Variants in ATRX observed in about 807,000 individuals in gnomAD.
The protein encoded by ATRX is chromatin remodeler ATRX.
In ATRX, 12 loss-of-function variants were observed where a neutral mutation model predicts 172.6. The observed-to-expected ratio is 0.07, with a 90% confidence interval of 0.04 to 0.11. The LOEUF (loss-of-function observed/expected upper bound fraction) is 0.11, where lower values mean the gene tolerates loss of function less well. ATRX is among the 10% of genes least tolerant of loss of function. ATRX has a pLI of 1.00. For synonymous variants in ATRX, 674 were observed against 594.7 expected, an observed-to-expected ratio of 1.13 and a Z score of -1.94; for missense variants, 1,368 against 1,767.4, an observed-to-expected ratio of 0.77 and a Z score of 4.05.
At chrX:77,540,665 C>T (rs988738077) in intron 30 of ATRX, among the ~76,000 whole-genome samples, 5 of 112,081 alleles carry the variant, frequency 4.5e-5, no homozygotes, top group Non-Finnish European at 5.6e-5. Flanking sequence ...AAGAAACTCA[C>T]TCAAAACTGC....
At position 77,508,199 on chromosome X, in the gene ATRX, T is replaced by C; in HGVS notation, c.*152A>G. 1.5e-6 allele frequency: 1 copy of C among 658,228 alleles called. No individual in the cohort carries two copies. Among genetic ancestry groups the C allele is most frequent in the Non-Finnish European group, 2.2e-6 (1 of 451,535 alleles). The allele number at this position is 658,228 out of a possible 1,213,427, so 54.2% of individuals were successfully genotyped here. On this transcript the variant is annotated 3_prime_UTR_variant, in exon 35 of 35. Transcript: ENST00000373344. ...TGTCAGGAAGAAATGGTATGCCCTA[T>C]TTAAAAAAAAAAAAAGTAAAACTAA...
intron 19 of ATRX, among the ~76,000 whole-genome samples, chrX:77,622,531 G>A: frequency 9.0e-6 from 1 of 111,527 alleles, no homozygotes; most frequent in African/African-American, 3.3e-5. Flanking sequence ...GATCCATCAG[G>A]AGGATGGCCA....
intron 34 of ATRX, among the ~76,000 whole-genome samples, chrX:77,518,406 T>TAG (rs1336401661): frequency 1.8e-5 from 2 of 111,912 alleles, no homozygotes; most frequent in African/African-American, 6.5e-5. Context: ...CCATTTACAG[T>TAG]AGCCACAGTC....
intron 19 of ATRX, among the ~76,000 whole-genome samples, chrX:77,631,201 CAAA>C (rs782293888): frequency 5.1e-5 from 2 of 39,069 alleles, no homozygotes. Context: ...ACAATTTGAG[CAAA>C]AAAAAAAAAA....
At chrX:77,760,067 T>G (rs1286181957) in intron 1 of ATRX, among the ~76,000 whole-genome samples, 1 of 110,308 alleles carries the variant, frequency 9.1e-6, no homozygotes, top group African/African-American at 3.3e-5. Flanking sequence ...ACTAAACTTT[T>G]AGTGAGATAT....
intron 28 of ATRX, 79 bp downstream of exon 28, chrX:77,574,171 C>T (rs2148019080): frequency 1.4e-6 from 1 of 723,087 alleles, no homozygotes; most frequent in Non-Finnish European, 2.1e-6. Flanking sequence ...TTCAAATACA[C>T]AATAAAAATA....
At position 77,684,246 on chromosome X, in the gene ATRX, C is replaced by CTAG. The variant is rs1557142477; in HGVS notation, c.1009_1010insCTA (p.Gly337delinsAlaSer). 2.5e-6 allele frequency: 3 copies of CTAG among 1,209,196 alleles called. No individual in the cohort carries two copies. The highest frequency in any genetic ancestry group is 1.7e-5 in the African/African-American group (1 of 57,293). On this transcript the variant is annotated protein_altering_variant, in exon 9 of 35. Coordinates refer to ENST00000373344, the MANE Select transcript of ATRX (RefSeq NM_000489.6). ...TGCGGAATAAGAGTAGGTTACAGAGCCAGAACAGGAATCATCTAATTTCTT... is the reference window on the plus strand; with the variant it reads ...TGCGGAATAAGAGTAGGTTACAGAGCTAGCAGAACAGGAATCATCTAATTTCTT...
intron 15 of ATRX, among the ~76,000 whole-genome samples, chrX:77,639,905 C>A (rs1031256398): frequency 8.9e-6 from 1 of 112,252 alleles, no homozygotes; most frequent in Non-Finnish European, 1.9e-5. Context: ...CCATGCTATT[C>A]ACAATAGCAA....
intron 28 of ATRX, among the ~76,000 whole-genome samples, chrX:77,560,136 C>T (rs781988122): frequency 1.8e-5 from 2 of 110,851 alleles, no homozygotes; most frequent in South Asian, 7.6e-4. Flanking sequence ...GGTTTGGTCA[C>T]GGGACTGGTT....
intron 22 of ATRX, among the ~76,000 whole-genome samples, chrX:77,604,044 G>A (rs1358040840): frequency 1.8e-5 from 2 of 112,384 alleles, no homozygotes; most frequent in African/African-American, 6.5e-5. Flanking sequence ...AGTAAACCTA[G>A]AGAAGTAACC....
At position 77,696,708 on chromosome X, in the gene ATRX, T is replaced by G; in HGVS notation, c.243-4A>C. The G allele has an allele frequency of 8.4e-7, 1 of 1,190,946 alleles. No homozygotes were observed. The highest frequency in any genetic ancestry group is 1.1e-6 in the Non-Finnish European group (1 of 877,669). Reference sequence around the variant, plus strand: ...CTTTGTTACAATTGAAGGTTTCCTATGAAAGAATTAAGTTCATAGAATTAT... The same window carrying G: ...CTTTGTTACAATTGAAGGTTTCCTAGGAAAGAATTAAGTTCATAGAATTAT... On this transcript the variant is annotated splice_polypyrimidine_tract_variant and splice_region_variant and intron_variant, in intron 4 of 34. Transcript: ENST00000373344.
intron 34 of ATRX, among the ~76,000 whole-genome samples, chrX:77,515,880 T>A (rs2147706542): frequency 8.9e-6 from 1 of 112,210 alleles, no homozygotes; most frequent in South Asian, 3.7e-4. Context: ...TTTATTAATA[T>A]CTTCTATAAA....
At chrX:77,678,087 T>C (rs1251511616) in intron 9 of ATRX, among the ~76,000 whole-genome samples, 1 of 110,375 alleles carries the variant, frequency 9.1e-6, no homozygotes, top group Non-Finnish European at 1.9e-5. Context: ...GCACCTGTAA[T>C]CTCAGCTACC....
At chrX:77,711,801 C>T (rs1013201780) in intron 2 of ATRX, among the ~76,000 whole-genome samples, 1 of 112,350 alleles carries the variant, frequency 8.9e-6, no homozygotes, top group African/African-American at 3.2e-5. Context: ...CATCACTGCA[C>T]ACCAGCCTAG....
At chrX:77,546,757 T>G (rs2064257303) in intron 30 of ATRX, among the ~76,000 whole-genome samples, 1 of 111,861 alleles carries the variant, frequency 8.9e-6, no homozygotes, top group Non-Finnish European at 1.9e-5. Context: ...GTGCTGAGAT[T>G]AGAGGTGTGT....
chrX:77,553,043 A>G (rs1268212625), intron 30 of ATRX, among the ~76,000 whole-genome samples: 2 of 111,631 alleles, frequency 1.8e-5, no homozygotes, highest in Non-Finnish European at 3.8e-5. Context: ...TTGTACTATA[A>G]TAACAGGAAC....
At chrX:77,776,151 A>T (rs1277515285) in intron 1 of ATRX, among the ~76,000 whole-genome samples, 1 of 112,392 alleles carries the variant, frequency 8.9e-6, no homozygotes, top group Non-Finnish European at 1.9e-5. Context: ...GTGTAACAGC[A>T]CAACTTTTCT....
At position 77,523,217 on chromosome X, in the gene ATRX, A is replaced by G. The variant is rs782698843; in HGVS notation, c.6849+35T>C. On this transcript the variant is annotated intron_variant, in intron 31 of 34. Transcript: ENST00000373344. ...TTCATTGCTCTTTCAAATCACTAAC[A>G]TAACAAAAACAAAAACACATTTTGC... is the stretch of plus-strand genomic sequence containing the variant. 6.6e-6 allele frequency: 8 copies of G among 1,204,815 alleles called. No individual in the cohort carries two copies. In the South Asian group the frequency reaches 7.1e-5, roughly 11 times the overall value.
intron 28 of ATRX, among the ~76,000 whole-genome samples, chrX:77,573,142 A>G (rs2065477424): frequency 8.9e-6 from 1 of 112,093 alleles, no homozygotes; most frequent in Non-Finnish European, 1.9e-5. Flanking sequence ...GTTGGTCAAT[A>G]ACAGACAGCA....
Sources: gnomAD v4.1 joint callset for allele counts (sites outside exome capture counted in the v4.1 genomes callset) on GRCh38, gnomAD v4.1.1 for gene constraint, MANE v1.5 for transcripts, NCBI Gene and HGNC (gene_info 2026-07-23, HGNC 2026-07-21) for gene names.